Variants in CALN1 observed in about 807,000 individuals in gnomAD.
CALN1 encodes calcium-binding protein 8.
A neutral mutation model predicts 30.6 loss-of-function variants in CALN1; 17 were observed. That is an observed-to-expected ratio of 0.56 (90% CI 0.38 to 0.83). The LOEUF (loss-of-function observed/expected upper bound fraction) is 0.83. Ranked by LOEUF, CALN1 falls within the 40% of genes least tolerant of loss-of-function variation. CALN1 has a pLI of 0.00. For synonymous variants in CALN1, 156 were observed against 131.4 expected, an observed-to-expected ratio of 1.19 and a Z score of -1.28; for missense variants, 291 against 354.9, an observed-to-expected ratio of 0.82 and a Z score of 1.45.
intron 4 of CALN1, among the ~76,000 whole-genome samples, chr7:72,079,363 C>T (rs1354917305): frequency 6.6e-6 from 1 of 152,114 alleles, no homozygotes; most frequent in Non-Finnish European, 1.5e-5. Context: ...AGAATATAAA[C>T]TCCATATAAA....
At chr7:72,141,165 G>A (rs893053089) in intron 3 of CALN1, among the ~76,000 whole-genome samples, 11 of 152,156 alleles carry the variant, frequency 7.2e-5, no homozygotes, top group African/African-American at 2.7e-4. Flanking sequence ...GGATGCGGTA[G>A]CTCATACCTG....
At chr7:71,846,862 GTATGTATATATAATATATACACACATA>G (rs71092923) in intron 5 of CALN1, among the ~76,000 whole-genome samples, 2 of 141,202 alleles carry the variant, frequency 1.4e-5, no homozygotes, top group South Asian at 2.2e-4. Context: ...ATGTATATAT[GTATGTATATATAATATATACACACATA>G]TATGTATATA....
intron 3 of CALN1, among the ~76,000 whole-genome samples, chr7:72,133,825 A>G (rs115818588): frequency 0.012 from 1,874 of 152,354 alleles, 41 homozygotes; most frequent in African/African-American, 0.043. Flanking sequence ...ATAACTTAAT[A>G]TAACTATGAA....
chr7:72,315,016 C>T (rs981345290), intron 2 of CALN1, among the ~76,000 whole-genome samples: 33 of 150,690 alleles, frequency 2.2e-4, no homozygotes, highest in African/African-American at 7.1e-4. Flanking sequence ...CTGGACATGA[C>T]GGCACACACC....
chr7:72,196,209 G>A (rs950832635), intron 3 of CALN1, among the ~76,000 whole-genome samples: 20 of 151,822 alleles, frequency 1.3e-4, no homozygotes, highest in Admixed American at 2.6e-4. Context: ...CCTCTGCCTC[G>A]TGGACTCAAG....
chr7:71,892,625 C>A (rs539985114), intron 5 of CALN1, among the ~76,000 whole-genome samples: 2 of 151,790 alleles, frequency 1.3e-5, no homozygotes, highest in East Asian at 1.9e-4. Flanking sequence ...CATTTCCCCC[C>A]AAAAAAAATC....
intron 3 of CALN1, among the ~76,000 whole-genome samples, chr7:72,121,855 T>C (rs1342049693): frequency 6.8e-6 from 1 of 147,684 alleles, no homozygotes; most frequent in Non-Finnish European, 1.5e-5. Context: ...TTATAATATC[T>C]ATTATATAAT....
rs564633528 is a variant in CALN1 at position 71,966,300 on chromosome 7, G to A, written c.501+57357C>T. On this transcript the variant is annotated intron_variant, in intron 5 of 6. Coordinates refer to ENST00000395275, the MANE Select transcript of CALN1 (RefSeq NM_031468.4). Reference sequence around the variant, plus strand: ...CATGGCCTGTGAACCTTGGTCTGTGGAATCCTGCCCTAGGTCAATGTTTGA... The same window carrying A: ...CATGGCCTGTGAACCTTGGTCTGTGAAATCCTGCCCTAGGTCAATGTTTGA... Among the ~76,000 whole-genome samples the A allele has an allele frequency of 2.6e-5, 4 of 152,182 alleles. No homozygotes were observed. In the South Asian group the frequency reaches 8.3e-4, roughly 31 times the overall value.
At chr7:72,055,103 A>C (rs1392853082) in intron 4 of CALN1, among the ~76,000 whole-genome samples, 1 of 152,202 alleles carries the variant, frequency 6.6e-6, no homozygotes, top group Non-Finnish European at 1.5e-5. Flanking sequence ...CAGGCATCAT[A>C]GTACATGAGT....
chr7:72,226,267 AAG>A (rs1189642659), intron 3 of CALN1, among the ~76,000 whole-genome samples: 1 of 151,868 alleles, frequency 6.6e-6, no homozygotes, highest in Non-Finnish European at 1.5e-5. Flanking sequence ...TAAAAAAAGA[AAG>A]AAAGAATTAG....
intron 3 of CALN1, among the ~76,000 whole-genome samples, chr7:72,230,424 C>G (rs1794013326): frequency 6.7e-6 from 1 of 149,484 alleles, no homozygotes; most frequent in African/African-American, 2.5e-5. Context: ...GGAGGATCAC[C>G]TGAGCCCAGG....
chr7:72,302,559 T>C (rs62459268), intron 2 of CALN1, among the ~76,000 whole-genome samples: 2,227 of 152,124 alleles, frequency 0.015, 26 homozygotes, highest in Non-Finnish European at 0.026. Context: ...GGTGCAGGCA[T>C]TCCAGATTAG....
At chr7:72,017,612 C>T (rs948239210) in intron 5 of CALN1, among the ~76,000 whole-genome samples, 1 of 152,126 alleles carries the variant, frequency 6.6e-6, no homozygotes, top group Admixed American at 6.6e-5. Context: ...TGCAAAAAGA[C>T]CAGGGAGCTA....
intron 4 of CALN1, among the ~76,000 whole-genome samples, chr7:72,085,441 G>A (rs956054413): frequency 2.0e-5 from 3 of 152,044 alleles, no homozygotes; most frequent in Non-Finnish European, 2.9e-5. Flanking sequence ...ATTAGTTATT[G>A]TAATCTCTTA....
chr7:72,165,507 A>C (rs1788457951), intron 3 of CALN1, among the ~76,000 whole-genome samples: 1 of 151,872 alleles, frequency 6.6e-6, no homozygotes. Flanking sequence ...AGGATCGCTT[A>C]AACCCAGGAC....
At chr7:72,083,366 G>A (rs568658408) in intron 4 of CALN1, among the ~76,000 whole-genome samples, 8 of 152,162 alleles carry the variant, frequency 5.3e-5, no homozygotes, top group South Asian at 2.1e-4. Flanking sequence ...GGGGGTTTGA[G>A]CAGAGATATG....
At chr7:72,436,436 G>A (rs1808162626) in intron 1 of CALN1, among the ~76,000 whole-genome samples, 1 of 152,188 alleles carries the variant, frequency 6.6e-6, no homozygotes, top group South Asian at 2.1e-4. Context: ...ACGTGGAACT[G>A]TGAGTCCATT....
At chr7:72,256,020 G>A (rs1055677904) in intron 3 of CALN1, among the ~76,000 whole-genome samples, 12 of 152,220 alleles carry the variant, frequency 7.9e-5, no homozygotes, top group Non-Finnish European at 7.3e-5. Context: ...GAGCCACCGC[G>A]CCCTGCCTAA....
At chr7:72,502,446 T>C in the CALN1 span, among the ~76,000 whole-genome samples, 4 of 150,468 alleles carry the variant, frequency 2.7e-5, no homozygotes, top group East Asian at 1.9e-4. Flanking sequence ...TCAGAAACCT[T>C]ACCATGTCTC....
Sources: gnomAD v4.1 joint callset for allele counts (sites outside exome capture counted in the v4.1 genomes callset) on GRCh38, gnomAD v4.1.1 for gene constraint, MANE v1.5 for transcripts, NCBI Gene and HGNC (gene_info 2026-07-23, HGNC 2026-07-21) for gene names.